Variants in CCDC91 observed in about 807,000 individuals in gnomAD.
CCDC91 encodes coiled-coil domain containing 91, also known as coiled-coil domain-containing protein 91.
Under a neutral mutation model 63.2 loss-of-function variants are expected in CCDC91, and 48 were observed. The ratio of observed to expected loss-of-function variants is 0.76; its 90% confidence interval spans 0.60 to 0.97. The LOEUF (loss-of-function observed/expected upper bound fraction) is 0.97, where lower values mean the gene tolerates loss of function less well. Among genes scored for constraint, CCDC91 ranks in the 50% least tolerant of loss-of-function variants. CCDC91 has a pLI of 0.00. For synonymous variants in CCDC91, 167 were observed against 165.8 expected, an observed-to-expected ratio of 1.01 and a Z score of -0.06; for missense variants, 500 against 494.6, an observed-to-expected ratio of 1.01 and a Z score of -0.10.
intron 6 of CCDC91, among the ~76,000 whole-genome samples, chr12:28,325,086 C>G (rs1195205551): frequency 6.6e-6 from 1 of 151,914 alleles, no homozygotes. Flanking sequence ...AAAACAATTG[C>G]ATCCAGTTGC....
chr12:28,215,672 T>C (rs1228949567), intron 1 of CCDC91, among the ~76,000 whole-genome samples: 1 of 152,040 alleles, frequency 6.6e-6, no homozygotes, highest in Non-Finnish European at 1.5e-5. Flanking sequence ...AAAAGTGAAA[T>C]GCTTAAAATG....
chr12:28,257,316 T>A lies in CCDC91; in HGVS notation c.30+71T>A, dbSNP rs1262276592. Reference sequence around the variant, plus strand: ...ATAATGGAGTAAACTATTTTGAAAATGTATTATATTTCATTGGCATTCATG... The same window carrying A: ...ATAATGGAGTAAACTATTTTGAAAAAGTATTATATTTCATTGGCATTCATG... On this transcript the variant is annotated intron_variant, in intron 2 of 12. Coordinates refer to ENST00000536442, the MANE Select transcript of CCDC91 (RefSeq NM_018318.5). The A allele has an allele frequency of 2.9e-5, 27 of 935,104 alleles. No homozygotes were observed. In the East Asian group the frequency reaches 6.6e-4, roughly 23 times the overall value. 57.9% of individuals were successfully genotyped at this position (935,104 alleles called of 1,614,324 possible).
At chr12:28,225,520 G>A (rs1288511944) in intron 1 of CCDC91, among the ~76,000 whole-genome samples, 6 of 151,742 alleles carry the variant, frequency 4.0e-5, no homozygotes, top group African/African-American at 1.2e-4. Flanking sequence ...GCATGATCTC[G>A]GCTCACTGCA....
chr12:28,338,328 T>G (rs78920252), intron 6 of CCDC91, among the ~76,000 whole-genome samples: 1 of 143,838 alleles, frequency 7.0e-6, no homozygotes, highest in African/African-American at 2.6e-5. Flanking sequence ...TTTTTTTTTT[T>G]ATTATTATAC....
At chr12:28,190,746 C>A (rs896636467) in intron 1 of CCDC91, 105 bp downstream of exon 1, 1 of 152,188 alleles carries the variant, frequency 6.6e-6, no homozygotes, top group South Asian at 2.1e-4. Flanking sequence ...GCTTCCGCCG[C>A]CTGCAGCCCG....
At chr12:28,469,985 A>G (rs535843350) in intron 11 of CCDC91, among the ~76,000 whole-genome samples, 15 of 152,320 alleles carry the variant, frequency 9.8e-5, no homozygotes, top group Non-Finnish European at 2.1e-4. Flanking sequence ...AACCACTTCA[A>G]GAAAACATTA....
At chr12:28,326,071 G>A (rs2137542011) in intron 6 of CCDC91, among the ~76,000 whole-genome samples, 1 of 152,146 alleles carries the variant, frequency 6.6e-6, no homozygotes, top group East Asian at 1.9e-4. Context: ...CTGGCCATAT[G>A]CTTTGCTTCC....
chr12:28,345,230 C>CTGTGTATA (rs770923644), intron 6 of CCDC91, among the ~76,000 whole-genome samples: 9 of 151,804 alleles, frequency 5.9e-5, no homozygotes, highest in Non-Finnish European at 1.3e-4. Context: ...TACAAATTTA[C>CTGTGTATA]TGTGTATATG....
chr12:28,479,113 G>C (rs528790014), intron 11 of CCDC91, among the ~76,000 whole-genome samples: 1 of 152,100 alleles, frequency 6.6e-6, no homozygotes, highest in Non-Finnish European at 1.5e-5. Context: ...CCATTACTGG[G>C]TATATACCTA....
At chr12:28,399,021 A>G (rs74455223) in intron 8 of CCDC91, among the ~76,000 whole-genome samples, 1,814 of 152,272 alleles carry the variant, frequency 0.012, 38 homozygotes, top group African/African-American at 0.042. Flanking sequence ...GTTATTAGTC[A>G]GCTCTCACAC....
At chr12:28,329,258 T>A (rs1941286378) in intron 6 of CCDC91, among the ~76,000 whole-genome samples, 1 of 152,170 alleles carries the variant, frequency 6.6e-6, no homozygotes, top group Non-Finnish European at 1.5e-5. Context: ...GATTTTAAAG[T>A]CTATGTCCTT....
At chr12:28,201,155 G>C (rs1029927922) in intron 1 of CCDC91, among the ~76,000 whole-genome samples, 2 of 151,202 alleles carry the variant, frequency 1.3e-5, no homozygotes, top group African/African-American at 2.4e-5. Flanking sequence ...TCCCGGACGA[G>C]GTGGCTGCTG....
chr12:28,536,642 T>G (rs1942201411), intron 12 of CCDC91, among the ~76,000 whole-genome samples: 1 of 152,164 alleles, frequency 6.6e-6, no homozygotes. Flanking sequence ...TTATGATTAT[T>G]ATGAGAAATA....
At chr12:28,318,408 G>A (rs1344835685) in intron 6 of CCDC91, among the ~76,000 whole-genome samples, 1 of 151,686 alleles carries the variant, frequency 6.6e-6, no homozygotes, top group Non-Finnish European at 1.5e-5. Context: ...TGGGCATGGT[G>A]TGTGCACCTG....
chr12:28,395,530 C>T (rs1218865172), intron 8 of CCDC91, among the ~76,000 whole-genome samples: 1 of 152,076 alleles, frequency 6.6e-6, no homozygotes, highest in Non-Finnish European at 1.5e-5. Context: ...CTCGGGGAAA[C>T]ATTTTACTTA....
chr12:28,465,977 T>C (rs1180530890), intron 11 of CCDC91, among the ~76,000 whole-genome samples: 1 of 152,018 alleles, frequency 6.6e-6, no homozygotes, highest in South Asian at 2.1e-4. Flanking sequence ...GAGATTGAAA[T>C]AGTTAAAAAC....
intron 6 of CCDC91, among the ~76,000 whole-genome samples, chr12:28,333,273 T>C (rs1228855725): frequency 1.3e-5 from 2 of 151,734 alleles, no homozygotes; most frequent in South Asian, 4.1e-4. Flanking sequence ...CAAGTGCCTG[T>C]AGTCCCAGCT....
At chr12:28,200,838 C>T (rs1942184933) in intron 1 of CCDC91, among the ~76,000 whole-genome samples, 1 of 151,284 alleles carries the variant, frequency 6.6e-6, no homozygotes. Context: ...TCCTCACTTC[C>T]CAGTAGGGGC....
At position 28,504,234 on chromosome 12, in the gene CCDC91, CA is replaced by C. The variant is rs577135727; in HGVS notation, c.1215+20078del. 7.8e-3 allele frequency among the ~76,000 whole-genome samples: 1,170 copies of C among 150,084 alleles called. 19 individuals are homozygous for C. The highest frequency in any genetic ancestry group is 0.026 in the African/African-American group (1,086 of 41,028). On this transcript the variant is annotated intron_variant, in intron 12 of 12. Transcript: ENST00000536442. ...CAATCTTTGAATATTAAAAAAGTTT[CA>C]AAAAAAAAGCACTCTAGTAAGAAGA...
Sources: allele counts gnomAD v4.1 joint callset (sites outside exome capture counted in the v4.1 genomes callset), GRCh38; gene constraint gnomAD v4.1.1; transcripts MANE v1.5; gene names NCBI Gene and HGNC (gene_info 2026-07-23, HGNC 2026-07-21).